Variants in SPECC1 observed in about 807,000 individuals in gnomAD.
SPECC1 encodes sperm antigen with calponin homology and coiled-coil domains 1.
A neutral mutation model predicts 104.1 loss-of-function variants in SPECC1; 62 were observed. The ratio of observed to expected loss-of-function variants is 0.60; its 90% confidence interval spans 0.49 to 0.74. SPECC1 has a LOEUF of 0.74. Ranked by LOEUF, SPECC1 falls within the 30% of genes least tolerant of loss-of-function variation. The probability of loss-of-function intolerance (pLI) is 0.00; values close to 1 mark genes in which losing one functional copy is unlikely to be tolerated. For missense variants in SPECC1, 1,306 were observed against 1,310.5 expected (o/e 1.00, Z 0.05); for synonymous variants, 513 against 501.6 (o/e 1.02, Z -0.30).
intron 4 of SPECC1, among the ~76,000 whole-genome samples, chr17:20,226,962 G>C (rs968779074): frequency 2.6e-5 from 4 of 152,098 alleles, no homozygotes; most frequent in African/African-American, 9.7e-5. Context: ...ATGTGCGGTG[G>C]GGGTGGCCAC....
intron 12 of SPECC1, among the ~76,000 whole-genome samples, chr17:20,294,621 A>C (rs1260875525): frequency 9.3e-6 from 1 of 108,070 alleles, no homozygotes; most frequent in Non-Finnish European, 2.0e-5. Flanking sequence ...TATGAAGGTA[A>C]TGACGACGGT....
chr17:20,079,275 C>T (rs2046877707), intron 1 of SPECC1, among the ~76,000 whole-genome samples: 1 of 152,036 alleles, frequency 6.6e-6, no homozygotes, highest in Admixed American at 6.5e-5. Flanking sequence ...ACATGTGTTC[C>T]TTATCTCTGG....
intron 3 of SPECC1, among the ~76,000 whole-genome samples, chr17:20,137,122 C>G (rs1204545896): frequency 6.6e-6 from 1 of 152,206 alleles, no homozygotes; most frequent in Non-Finnish European, 1.5e-5. Flanking sequence ...AGATTTCTGC[C>G]CACTCCTGTT....
rs911401782 is a variant in SPECC1, at chr17:20,189,371, G to A, written c.284-14962G>A. Among the ~76,000 whole-genome samples, 7 of 152,180 alleles carry A rather than the reference G, an allele frequency of 4.6e-5. No individual in the cohort carries two copies. In the East Asian group the frequency reaches 1.3e-3, roughly 29 times the overall value. ...TATGCAGAGAGAATTCTGGGACGAA[G>A]CGCTCCTCCAGCCACTTCAGTTTCA... On this transcript the variant is annotated intron_variant, in intron 3 of 14. Transcript: ENST00000395527.
intron 4 of SPECC1, among the ~76,000 whole-genome samples, chr17:20,226,259 C>T (rs1039483183): frequency 6.6e-6 from 1 of 152,142 alleles, no homozygotes; most frequent in Non-Finnish European, 1.5e-5. Context: ...AAAGTAATGA[C>T]TTAGCATGAT....
chr17:20,182,119 C>CTTTTCTTTT (rs141220000), intron 3 of SPECC1, among the ~76,000 whole-genome samples: 1 of 136,580 alleles, frequency 7.3e-6, no homozygotes, highest in African/African-American at 2.8e-5. Context: ...CTTTCTTTTT[C>CTTTTCTTTT]TTTTTTTTTT....
intron 12 of SPECC1, among the ~76,000 whole-genome samples, chr17:20,270,339 G>GTAA (rs1330697676): frequency 7.0e-6 from 1 of 142,828 alleles, no homozygotes; most frequent in Non-Finnish European, 1.5e-5. Context: ...GCTCATGCCT[G>GTAA]TAATCCAGAC....
chr17:20,048,739 A>G lies in SPECC1; in HGVS notation c.-22+39315A>G, dbSNP rs534570374. The stretch of plus-strand genomic sequence containing the variant: ...TGGGCAACATAGTGAGACCCTGTAT[A>G]TACAAAAATTAGCATGATGGCACGT... On this transcript the variant is annotated intron_variant, in intron 1 of 14. Transcript: ENST00000395527. Among the ~76,000 whole-genome samples the G allele has an allele frequency of 1.6e-3, 248 of 151,706 alleles. 1 individual carries two copies. Among genetic ancestry groups the G allele is most frequent in the African/African-American group, 5.8e-3 (239 of 41,416 alleles).
intron 3 of SPECC1, among the ~76,000 whole-genome samples, chr17:20,177,171 TAAA>T (rs931940061): frequency 6.6e-6 from 1 of 152,036 alleles, no homozygotes. Flanking sequence ...AATAGACTTG[TAAA>T]AAAAATCCAG....
intron 1 of SPECC1, among the ~76,000 whole-genome samples, chr17:20,093,240 A>G (rs1290840342): frequency 2.0e-5 from 3 of 152,174 alleles, no homozygotes; most frequent in Non-Finnish European, 4.4e-5. Context: ...TGGTTCATAG[A>G]TGGAGTCCTC....
intron 4 of SPECC1, among the ~76,000 whole-genome samples, chr17:20,210,644 G>A (rs2037078658): frequency 6.6e-6 from 1 of 152,194 alleles, no homozygotes; most frequent in Admixed American, 6.5e-5. Flanking sequence ...AACAAGGTGG[G>A]GGTGGCTTTT....
At chr17:20,086,054 C>A (rs998694583) in intron 1 of SPECC1, among the ~76,000 whole-genome samples, 1 of 150,344 alleles carries the variant, frequency 6.7e-6, no homozygotes. Flanking sequence ...CCCTTCTCTA[C>A]CTGGCCAGGC....
chr17:20,177,435 A>C (rs1166869339), intron 3 of SPECC1, among the ~76,000 whole-genome samples: 1 of 152,222 alleles, frequency 6.6e-6, no homozygotes, highest in Non-Finnish European at 1.5e-5. Flanking sequence ...TCAAGAAAAT[A>C]AAATCATTCA....
intron 12 of SPECC1, among the ~76,000 whole-genome samples, chr17:20,293,233 T>C (rs2041231481): frequency 1.3e-5 from 2 of 152,054 alleles, no homozygotes; most frequent in African/African-American, 4.8e-5. Context: ...ATTATTTGCT[T>C]CCAGAACCCT....
At chr17:20,139,661 C>T (rs2030505699) in intron 3 of SPECC1, among the ~76,000 whole-genome samples, 1 of 152,076 alleles carries the variant, frequency 6.6e-6, no homozygotes, top group Admixed American at 6.6e-5. Flanking sequence ...TTGCATCTTA[C>T]ACTTCTTATT....
chr17:20,178,170 G>A (rs1164618877), intron 3 of SPECC1, among the ~76,000 whole-genome samples: 1 of 152,204 alleles, frequency 6.6e-6, no homozygotes, highest in Non-Finnish European at 1.5e-5. Flanking sequence ...GCAGGCATGA[G>A]CCACCACTCC....
At chr17:20,014,069 C>G (rs1024630389) in intron 1 of SPECC1, among the ~76,000 whole-genome samples, 4 of 151,990 alleles carry the variant, frequency 2.6e-5, no homozygotes, top group African/African-American at 9.7e-5. Context: ...ACCGGTTGCA[C>G]CAACTTATTT....
chr17:20,204,790 C>T lies in SPECC1; in HGVS notation c.741C>T (p.Asn247=), dbSNP rs747452885. 6.2e-7 allele frequency: 1 copy of T among 1,614,064 alleles called. No homozygotes were observed. The highest frequency in any genetic ancestry group is 8.5e-7 in the Non-Finnish European group (1 of 1,180,032). ...QKELSDLEEE[N]RVLKEKLIYL... is the part of the protein sequence containing the mutation. Reference sequence around the variant, plus strand: ...AGCTTTCCGATCTAGAGGAAGAAAACCGGGTCCTGAAGGAGAAACTGATCT... The same window carrying T: ...AGCTTTCCGATCTAGAGGAAGAAAATCGGGTCCTGAAGGAGAAACTGATCT... Residue 247 remains asparagine, a synonymous_variant, in exon 4 of 15, where the codon AAC becomes AAT. Transcript: ENST00000395527.
intron 4 of SPECC1, among the ~76,000 whole-genome samples, chr17:20,218,687 G>A (rs1457937692): frequency 6.6e-6 from 1 of 151,758 alleles, no homozygotes; most frequent in Non-Finnish European, 1.5e-5. Flanking sequence ...TATTTATGGG[G>A]TACCTGAGAT....
Sources: allele counts gnomAD v4.1 joint callset (sites outside exome capture counted in the v4.1 genomes callset), GRCh38; gene constraint gnomAD v4.1.1; transcripts MANE v1.5; gene names NCBI Gene and HGNC (gene_info 2026-07-23, HGNC 2026-07-21).